The following SLC12A8 variants were observed in gnomAD, a reference collection of about 807,000 sequenced individuals.
The protein encoded by SLC12A8 is cation-chloride cotransporter 9.
A neutral mutation model predicts 75.6 loss-of-function variants in SLC12A8; 69 were observed. That is an observed-to-expected ratio of 0.91 (90% confidence interval 0.75 to 1.11). The LOEUF is 1.11. Among genes scored for constraint, SLC12A8 ranks in the 50% most tolerant of loss-of-function variants. The pLI, the probability that SLC12A8 is intolerant of heterozygous loss-of-function variation, is 0.00. For synonymous variants in SLC12A8, 365 were observed against 372.8 expected (o/e 0.98, Z 0.24); for missense variants, 877 against 896.7 (o/e 0.98, Z 0.28).
At chr3:125,150,043 T>C (rs1277314491) in intron 5 of SLC12A8, among the ~76,000 whole-genome samples, 5 of 152,228 alleles carry the variant, frequency 3.3e-5, no homozygotes, top group African/African-American at 1.2e-4. Context: ...TTCTGAACCC[T>C]GTCCTAGAAA....
Position 125,120,602 on chromosome 3 carries a change from A to C in SLC12A8, c.821T>G (p.Ile274Ser). The C allele has an allele frequency of 6.2e-7, 1 of 1,612,534 alleles. No homozygotes were observed. Among genetic ancestry groups the C allele is most frequent in the Non-Finnish European group, 8.5e-7 (1 of 1,178,976 alleles). ...GATTGCCATGAGGGGAACTTACGAG[A>C]TGCCAACAGCTGCCAGGGAGCCCAG... ...IPLGSLAAVG[I>S]SWFLYIIFVF... Residue 274 changes from isoleucine to serine, a missense_variant, in exon 7 of 14, where the codon ATC (isoleucine) becomes AGC (serine). Ile to Ser is a moderately radical substitution (Grantham distance 142, BLOSUM62 -2). Transcript: ENST00000469902.
intron 2 of SLC12A8, among the ~76,000 whole-genome samples, chr3:125,210,127 C>G (rs561511437): frequency 6.6e-6 from 1 of 152,316 alleles, no homozygotes; most frequent in African/African-American, 2.4e-5. Context: ...TCTTAGGGCA[C>G]TTATGACAAT....
chr3:125,120,609 C>A lies in SLC12A8; in HGVS notation c.814G>T (p.Val272Phe). The change falls in exon 7 of 14, where the codon GTT becomes TTT. Residue 272 changes from valine (V) to phenylalanine (F), a missense_variant. By Grantham distance (50) the Val-to-Phe change is conservative. Coordinates refer to ENST00000469902, the MANE Select transcript of SLC12A8 (RefSeq NM_024628.6). Reference protein sequence around the residue: ...ASIPLGSLAAVGISWFLYIIF... With the variant: ...ASIPLGSLAAFGISWFLYIIF... Reference sequence around the variant, plus strand: ...ATGAGGGGAACTTACGAGATGCCAACAGCTGCCAGGGAGCCCAGGGGAATG... The same window carrying A: ...ATGAGGGGAACTTACGAGATGCCAAAAGCTGCCAGGGAGCCCAGGGGAATG... 6.2e-7 allele frequency: 1 copy of A among 1,613,460 alleles called. No individual in the cohort carries two copies.
intron 5 of SLC12A8, among the ~76,000 whole-genome samples, chr3:125,160,034 T>C (rs750201251): frequency 5.3e-5 from 8 of 152,236 alleles, no homozygotes; most frequent in Non-Finnish European, 7.3e-5. Flanking sequence ...CTCGAACTCT[T>C]GGGCTCAAGT....
At chr3:125,185,469 T>C (rs1268507605) in intron 4 of SLC12A8, among the ~76,000 whole-genome samples, 8 of 151,044 alleles carry the variant, frequency 5.3e-5, no homozygotes, top group Non-Finnish European at 1.2e-4. Context: ...GAGATTCCAT[T>C]AGTAACCAAA....
chr3:125,173,452 C>CAAAAAAAAAA (rs61001520), intron 5 of SLC12A8, among the ~76,000 whole-genome samples: 45 of 79,626 alleles, frequency 5.7e-4, no homozygotes, highest in East Asian at 8.5e-4. Context: ...ATTCATGAGC[C>CAAAAAAAAAA]AAAAAAAAAA....
At chr3:125,181,607 C>CAAA (rs67602083) in intron 4 of SLC12A8, among the ~76,000 whole-genome samples, 36 of 67,454 alleles carry the variant, frequency 5.3e-4, no homozygotes, top group East Asian at 9.0e-4. Context: ...GACTCCGTCT[C>CAAA]AAAAAAAAAA....
chr3:125,088,405 G>C, intron 12 of SLC12A8, 35 bp from the exon 13 acceptor site: 1 of 1,607,304 alleles, frequency 6.2e-7, no homozygotes, highest in South Asian at 1.1e-5. Context: ...CATTTTTGAA[G>C]GTTCTACATA....
intron 2 of SLC12A8, among the ~76,000 whole-genome samples, chr3:125,204,681 T>C (rs1935192903): frequency 6.6e-6 from 1 of 152,100 alleles, no homozygotes; most frequent in Admixed American, 6.5e-5. Flanking sequence ...GTAACTATAG[T>C]CAACAATAAC....
chr3:125,107,700 C>T lies in SLC12A8; in HGVS notation c.1486G>A (p.Ala496Thr), dbSNP rs780901013. ...CTATCTTGTAGGGTCTGCTTGGTGG[C>T]CTTCTTGCTTTTCCTCTTCTGACTT... Reference protein sequence around the residue: ...PESQKRKSKKATKQTLQDSFL... With the variant: ...PESQKRKSKKTTKQTLQDSFL... Residue 496 changes from alanine (A) to threonine (T), a missense_variant, in exon 10 of 14, where the codon GCC becomes ACC. Coordinates refer to ENST00000469902, the MANE Select transcript of SLC12A8 (RefSeq NM_024628.6). 1.2e-6 allele frequency: 2 copies of T among 1,614,098 alleles called. No homozygotes were observed. The highest frequency in any genetic ancestry group is 1.7e-5 in the Admixed American group (1 of 60,016).
intron 5 of SLC12A8, among the ~76,000 whole-genome samples, chr3:125,156,166 C>G (rs1009998677): frequency 2.6e-5 from 4 of 152,166 alleles, no homozygotes; most frequent in African/African-American, 9.7e-5. Flanking sequence ...TGGGAGAGGC[C>G]ATGTGTGGAA....
intron 10 of SLC12A8, among the ~76,000 whole-genome samples, chr3:125,093,770 A>G (rs1026424037): frequency 3.9e-5 from 6 of 152,288 alleles, no homozygotes; most frequent in Admixed American, 2.6e-4. Context: ...GAACTCACTA[A>G]GTATTCCTAG....
At chr3:125,172,707 G>A (rs1934431387) in intron 5 of SLC12A8, among the ~76,000 whole-genome samples, 1 of 152,176 alleles carries the variant, frequency 6.6e-6, no homozygotes, top group African/African-American at 2.4e-5. Flanking sequence ...ATCTCCCTCT[G>A]GAAAGAAGTG....
At chr3:125,141,077 CCTGAACAT>C (rs1933619177) in intron 5 of SLC12A8, among the ~76,000 whole-genome samples, 2 of 151,610 alleles carry the variant, frequency 1.3e-5, no homozygotes, top group Admixed American at 6.6e-5. Context: ...CTGGGTTTGA[CCTGAACAT>C]CTGTTTCTCT....
intron 4 of SLC12A8, 140 bp downstream of exon 4, chr3:125,187,097 C>T: frequency 1.3e-6 from 1 of 784,594 alleles, no homozygotes; most frequent in Non-Finnish European, 2.1e-6. Context: ...TGCTGAATTC[C>T]CTTCAGAGCC....
intron 2 of SLC12A8, among the ~76,000 whole-genome samples, chr3:125,202,515 GC>G (rs778364972): frequency 6.6e-6 from 1 of 152,082 alleles, no homozygotes; most frequent in Admixed American, 6.5e-5. Context: ...TTAAATGATG[GC>G]AAATGCAGTA....
intron 13 of SLC12A8, among the ~76,000 whole-genome samples, chr3:125,084,659 T>C (rs1207997253): frequency 6.6e-6 from 1 of 152,150 alleles, no homozygotes; most frequent in African/African-American, 2.4e-5. Context: ...ATGTTAGGGA[T>C]GCATAGGGAA....
chr3:125,177,580 G>A (rs1223260771), intron 5 of SLC12A8, among the ~76,000 whole-genome samples, 163 bp downstream of exon 5: 1 of 152,106 alleles, frequency 6.6e-6, no homozygotes, highest in Non-Finnish European at 1.5e-5. Flanking sequence ...TCATGAAGCT[G>A]CTCCAAGACA....
At chr3:125,105,957 G>A (rs1939011089) in intron 10 of SLC12A8, among the ~76,000 whole-genome samples, 1 of 152,328 alleles carries the variant, frequency 6.6e-6, no homozygotes, top group Middle Eastern at 3.4e-3. Flanking sequence ...TTGAACCCGG[G>A]AGGTGGAGGT....
Sources: gnomAD v4.1 joint callset for allele counts (sites outside exome capture counted in the v4.1 genomes callset) on GRCh38, gnomAD v4.1.1 for gene constraint, MANE v1.5 for transcripts, NCBI Gene and HGNC (gene_info 2026-07-23, HGNC 2026-07-21) for gene names.